Variants in C8orf34 observed in about 807,000 individuals in gnomAD.
The protein encoded by C8orf34 is uncharacterized protein C8orf34.
A neutral mutation model predicts 68.3 loss-of-function variants in C8orf34; 65 were observed. The observed-to-expected ratio is 0.95, with a 90% CI of 0.78 to 1.17. C8orf34 has a LOEUF of 1.17. Among genes scored for constraint, C8orf34 ranks in the 50% most tolerant of loss-of-function variants. C8orf34 has a pLI of 0.00. For missense variants in C8orf34, 664 were observed against 655.4 expected (o/e 1.01, Z -0.14); for synonymous variants, 244 against 241.2 (o/e 1.01, Z -0.11).
At chr8:68,409,093 GC>G (rs1809333799) in intron 1 of C8orf34, among the ~76,000 whole-genome samples, 1 of 152,136 alleles carries the variant, frequency 6.6e-6, no homozygotes, top group African/African-American at 2.4e-5. Context: ...GGCCTGAGCT[GC>G]CAGTCTTATA....
At chr8:68,568,156 G>GA (rs1288798152) in intron 7 of C8orf34, among the ~76,000 whole-genome samples, 1 of 152,060 alleles carries the variant, frequency 6.6e-6, no homozygotes, top group Non-Finnish European at 1.5e-5. Flanking sequence ...ATTACAATAG[G>GA]AACACCACAC....
chr8:68,339,302 A>G (rs1805977423), intron 1 of C8orf34, among the ~76,000 whole-genome samples: 1 of 152,046 alleles, frequency 6.6e-6, no homozygotes, highest in South Asian at 2.1e-4. Flanking sequence ...TTTTAGATGC[A>G]AGGTATCTTT....
intron 8 of C8orf34, among the ~76,000 whole-genome samples, chr8:68,668,402 G>GTGCT (rs1819906567): frequency 6.6e-6 from 1 of 152,252 alleles, no homozygotes; most frequent in African/African-American, 2.4e-5. Context: ...GCTCAAAAAA[G>GTGCT]CAGGACTGGC....
At chr8:68,579,845 G>A (rs1817011004) in intron 7 of C8orf34, among the ~76,000 whole-genome samples, 1 of 152,264 alleles carries the variant, frequency 6.6e-6, no homozygotes, top group East Asian at 1.9e-4. Flanking sequence ...ATCGTTAAAT[G>A]AGAATGTCAC....
intron 7 of C8orf34, among the ~76,000 whole-genome samples, chr8:68,560,493 T>G (rs1286266963): frequency 6.6e-6 from 1 of 152,200 alleles, no homozygotes; most frequent in Non-Finnish European, 1.5e-5. Flanking sequence ...TTCTAAGAAA[T>G]GCATCCTTAC....
chr8:68,700,208 A>T (rs1219111071), intron 8 of C8orf34, among the ~76,000 whole-genome samples: 1 of 152,074 alleles, frequency 6.6e-6, no homozygotes, highest in Non-Finnish European at 1.5e-5. Context: ...AAGAAAGGAA[A>T]TCTAGGTAGT....
At chr8:68,459,938 G>T (rs934564170) in intron 3 of C8orf34, among the ~76,000 whole-genome samples, 1 of 152,176 alleles carries the variant, frequency 6.6e-6, no homozygotes, top group African/African-American at 2.4e-5. Flanking sequence ...GACAGTGGGC[G>T]CAGGACAGTG....
chr8:68,464,110 C>A (rs890320275), intron 3 of C8orf34, among the ~76,000 whole-genome samples: 5 of 152,138 alleles, frequency 3.3e-5, no homozygotes, highest in Non-Finnish European at 7.3e-5. Flanking sequence ...GATACAAAAT[C>A]AATGTACAAA....
chr8:68,390,181 T>C (rs1223081797), intron 1 of C8orf34, among the ~76,000 whole-genome samples: 2 of 152,154 alleles, frequency 1.3e-5, no homozygotes, highest in East Asian at 1.9e-4. Flanking sequence ...ATACACTTAA[T>C]TGGGGCTGAA....
chr8:68,602,087 A>G (rs1441047623), intron 7 of C8orf34, among the ~76,000 whole-genome samples: 5 of 152,154 alleles, frequency 3.3e-5, no homozygotes, highest in African/African-American at 1.2e-4. Context: ...GGGGAGAAGC[A>G]GAATGCTGAC....
chr8:68,668,138 A>G (rs528375581), intron 8 of C8orf34, among the ~76,000 whole-genome samples: 11 of 152,262 alleles, frequency 7.2e-5, no homozygotes, highest in African/African-American at 2.6e-4. Context: ...AATTTCTTCT[A>G]TAAGTATCAA....
intron 8 of C8orf34, among the ~76,000 whole-genome samples, chr8:68,699,327 A>G (rs1031333353): frequency 4.6e-5 from 7 of 152,156 alleles, no homozygotes; most frequent in African/African-American, 1.7e-4. Context: ...AAAAATGAAC[A>G]TGAATAATTG....
chr8:68,689,281 A>T (rs1820617721), intron 8 of C8orf34, among the ~76,000 whole-genome samples: 1 of 152,032 alleles, frequency 6.6e-6, no homozygotes, highest in African/African-American at 2.4e-5. Context: ...TGGGTGAAGG[A>T]TAAAAGACAA....
chr8:68,422,046 T>A (rs769753530), intron 1 of C8orf34, among the ~76,000 whole-genome samples: 1 of 152,088 alleles, frequency 6.6e-6, no homozygotes, highest in Non-Finnish European at 1.5e-5. Flanking sequence ...CCTTGACACA[T>A]GGGGATTATG....
At chr8:68,809,155 G>T (rs151204214) in intron 12 of C8orf34, among the ~76,000 whole-genome samples, 3,654 of 152,208 alleles carry the variant, frequency 0.024, 60 homozygotes, top group Non-Finnish European at 0.037. Context: ...TTGCCCAATT[G>T]TCAGATTTTA....
At chr8:68,528,314 A>G (rs1294127531) in intron 6 of C8orf34, among the ~76,000 whole-genome samples, 5 of 152,074 alleles carry the variant, frequency 3.3e-5, no homozygotes, top group Non-Finnish European at 7.4e-5. Flanking sequence ...AATTTCAGGC[A>G]TCTCACTTTC....
At chr8:68,768,644 T>C (rs1418614999) in intron 10 of C8orf34, among the ~76,000 whole-genome samples, 3 of 152,200 alleles carry the variant, frequency 2.0e-5, no homozygotes, top group African/African-American at 7.2e-5. Context: ...AGAACAAAAA[T>C]ACTGATACAT....
chr8:68,331,266 T>C lies in C8orf34; in HGVS notation c.254T>C (p.Phe85Ser), dbSNP rs778241094. 7 of 1,536,350 alleles carry C rather than the reference T, an allele frequency of 4.6e-6. No individual in the cohort carries two copies. In the South Asian group the frequency reaches 8.3e-5, roughly 18 times the overall value. The change falls in exon 1 of 14, where the codon TTC becomes TCC. Residue 85 changes from phenylalanine (F) to serine (S), a missense_variant. By Grantham distance (155) the Phe-to-Ser change is radical. Transcript: ENST00000518698. ...LPALSSRSHL[F>S]PMASHPQTRI... is the part of the protein sequence containing the mutation. The stretch of plus-strand genomic sequence containing the variant: ...GCACTCTCTTCGCGGTCCCATCTGT[T>C]CCCCATGGCGTCTCATCCGCAAACC...
chr8:68,698,302 A>G (rs1455970194), intron 8 of C8orf34, among the ~76,000 whole-genome samples: 1 of 152,098 alleles, frequency 6.6e-6, no homozygotes, highest in East Asian at 1.9e-4. Flanking sequence ...TTTACTAGTT[A>G]TCACAATTTA....
Sources: allele counts gnomAD v4.1 joint callset (sites outside exome capture counted in the v4.1 genomes callset), GRCh38; gene constraint gnomAD v4.1.1; transcripts MANE v1.5; gene names NCBI Gene and HGNC (gene_info 2026-07-23, HGNC 2026-07-21).